RABGAP1L: variants seen among roughly 807,000 people sequenced by gnomAD.
RABGAP1L encodes rab GTPase-activating protein 1-like.
In RABGAP1L, 63 loss-of-function variants were observed where a neutral mutation model predicts 137.7. The ratio of observed to expected loss-of-function variants is 0.46; its 90% CI spans 0.37 to 0.56. The LOEUF (loss-of-function observed/expected upper bound fraction) is 0.56, where lower values mean the gene tolerates loss of function less well. Among genes scored for constraint, RABGAP1L ranks in the 20% least tolerant of loss-of-function variants. The pLI is 0.00. For synonymous variants in RABGAP1L, 431 were observed against 433.7 expected (o/e 0.99, Z 0.08); for missense variants, 1,095 against 1,244.0 (o/e 0.88, Z 1.80).
At chr1:174,221,295 G>T (rs1669737216) in intron 3 of RABGAP1L, 131 bp downstream of exon 3, 1 of 719,988 alleles carries the variant, frequency 1.4e-6, no homozygotes, top group African/African-American at 1.8e-5. Flanking sequence ...TTCCACTTCG[G>T]TGTTATGTTT....
Position 174,398,080 on chromosome 1 carries a change from C to T in RABGAP1L, c.1710+3935C>T, listed in dbSNP as rs772737123. ...AAATTTGAAGCTTCCATCATTCTCACGGATATGTTACCCTCCTGGTATTAT... is the reference window on the plus strand; with the variant it reads ...AAATTTGAAGCTTCCATCATTCTCATGGATATGTTACCCTCCTGGTATTAT... On this transcript the variant is annotated intron_variant, in intron 13 of 25. Transcript: ENST00000681986. Among the ~76,000 whole-genome samples, 11 of 152,278 alleles carry T rather than the reference C, an allele frequency of 7.2e-5. No homozygotes were observed. The South Asian group carries it at 8.3e-4, about 11-fold the overall frequency.
At chr1:174,958,446 T>C (rs1668807084) in intron 20 of RABGAP1L, among the ~76,000 whole-genome samples, 1 of 152,228 alleles carries the variant, frequency 6.6e-6, no homozygotes, top group Admixed American at 6.5e-5. Context: ...CACAGATACG[T>C]AACAGCTCCT....
chr1:174,471,969 T>C (rs1195255954), intron 13 of RABGAP1L, among the ~76,000 whole-genome samples: 1 of 152,152 alleles, frequency 6.6e-6, no homozygotes, highest in African/African-American at 2.4e-5. Context: ...ATCAGAGCTC[T>C]CTCTACAATG....
At chr1:174,283,267 G>C (rs534969936) in intron 10 of RABGAP1L, among the ~76,000 whole-genome samples, 1 of 152,022 alleles carries the variant, frequency 6.6e-6, no homozygotes, top group Admixed American at 6.5e-5. Flanking sequence ...TTACCCAAGC[G>C]TGGTGGTGTG....
At chr1:174,427,725 A>T (rs1460138712) in intron 13 of RABGAP1L, among the ~76,000 whole-genome samples, 2 of 152,180 alleles carry the variant, frequency 1.3e-5, no homozygotes, top group African/African-American at 4.8e-5. Flanking sequence ...CCTGGTGTTT[A>T]TTCTAGATAA....
chr1:174,800,354 C>G (rs1444561885), intron 18 of RABGAP1L: 1 of 1,550,346 alleles, frequency 6.5e-7, no homozygotes, highest in African/African-American at 1.4e-5. Flanking sequence ...GGTGCCCTGC[C>G]CAGCCCCAGC....
chr1:174,971,169 A>G (rs1338982764), intron 21 of RABGAP1L, among the ~76,000 whole-genome samples: 2 of 151,770 alleles, frequency 1.3e-5, no homozygotes, highest in Non-Finnish European at 2.9e-5. Flanking sequence ...AAAGACCCTA[A>G]ATTACTTAAC....
chr1:174,480,887 C>G (rs1659018965), intron 13 of RABGAP1L, among the ~76,000 whole-genome samples: 1 of 152,094 alleles, frequency 6.6e-6, no homozygotes, highest in Non-Finnish European at 1.5e-5. Context: ...TTATTAATAA[C>G]CCAAGAACTG....
chr1:174,269,194 C>T (rs746622753), intron 7 of RABGAP1L, among the ~76,000 whole-genome samples: 1 of 152,252 alleles, frequency 6.6e-6, no homozygotes, highest in African/African-American at 2.4e-5. Flanking sequence ...CCGCCCACCT[C>T]GGCCTCCCAA....
chr1:174,448,076 T>C lies in RABGAP1L; in HGVS notation c.1710+53931T>C. ...TGCTGGGCAGGGCATCTGCTTGCTG[T>C]AGCCAAGTCTGCAGGTGTCTTTAAA... On this transcript the variant is annotated intron_variant, in intron 13 of 25. Coordinates refer to ENST00000681986, the MANE Select transcript of RABGAP1L (RefSeq NM_001366446.1). The surrounding 1 kb of genome is among the most constrained non-coding windows in gnomAD (Gnocchi z 4.2). 6.4e-7 allele frequency: 1 copy of C among 1,573,770 alleles called. No homozygotes were observed. The highest frequency in any genetic ancestry group is 8.6e-7 in the Non-Finnish European group (1 of 1,157,298).
intron 13 of RABGAP1L, among the ~76,000 whole-genome samples, chr1:174,538,213 C>A (rs1665049254): frequency 6.6e-6 from 1 of 152,178 alleles, no homozygotes; most frequent in South Asian, 2.1e-4. Context: ...TGAACTATTT[C>A]CAAAGTCCAG....
intron 21 of RABGAP1L, among the ~76,000 whole-genome samples, chr1:174,973,979 G>GTTTT (rs58500594): frequency 1.6e-4 from 14 of 85,788 alleles, no homozygotes; most frequent in South Asian, 5.1e-4. Context: ...ATTGTTTTTT[G>GTTTT]TTTTTTTTTT....
intron 1 of RABGAP1L, among the ~76,000 whole-genome samples, chr1:174,197,670 G>T (rs1333779527): frequency 6.6e-6 from 1 of 151,986 alleles, no homozygotes; most frequent in Non-Finnish European, 1.5e-5. Flanking sequence ...ATTGGTTGCG[G>T]GCGCATGTAA....
At chr1:174,753,525 T>A (rs1684498880) in intron 18 of RABGAP1L, among the ~76,000 whole-genome samples, 1 of 152,212 alleles carries the variant, frequency 6.6e-6, no homozygotes, top group Admixed American at 6.5e-5. Context: ...ATACACTTTT[T>A]AAAATTAAAT....
intron 11 of RABGAP1L, among the ~76,000 whole-genome samples, chr1:174,350,749 G>A (rs1683084963): frequency 2.0e-5 from 1 of 49,338 alleles, no homozygotes; most frequent in Non-Finnish European, 3.9e-5. Flanking sequence ...CGGCTGGGAG[G>A]TGTAGGTTGT....
At chr1:174,299,331 A>G (rs1054884109) in intron 10 of RABGAP1L, among the ~76,000 whole-genome samples, 2 of 152,212 alleles carry the variant, frequency 1.3e-5, no homozygotes, top group African/African-American at 4.8e-5. Context: ...AGCAAGTGAC[A>G]TTCTTTACTG....
At position 174,937,136 on chromosome 1, in the gene RABGAP1L, G is replaced by A. The variant is rs561879498; in HGVS notation, c.2341-20321G>A. On this transcript the variant is annotated intron_variant, in intron 19 of 25. Transcript: ENST00000681986. The stretch of plus-strand genomic sequence containing the variant: ...TGTGACTACAGGCTCCTGCCACCAC[G>A]CCCGGGTAATTTTTGTATTTTTAGT... Among the ~76,000 whole-genome samples the A allele has an allele frequency of 1.3e-4, 20 of 150,754 alleles. No homozygotes were observed. The East Asian group carries it at 3.3e-3, about 25-fold the overall frequency.
At chr1:174,349,901 G>T (rs1256412066) in intron 11 of RABGAP1L, among the ~76,000 whole-genome samples, 1 of 135,852 alleles carries the variant, frequency 7.4e-6, no homozygotes, top group Non-Finnish European at 1.6e-5. Flanking sequence ...GGCTGGCCAG[G>T]TGGGGGGCTG....
intron 19 of RABGAP1L, chr1:174,875,744 T>C: frequency 1.0e-6 from 1 of 959,044 alleles, no homozygotes; most frequent in Non-Finnish European, 1.2e-6. Context: ...TTATAATGCC[T>C]TGTCTCCTGA....
Sources: allele counts gnomAD v4.1 joint callset (sites outside exome capture counted in the v4.1 genomes callset), GRCh38; gene constraint gnomAD v4.1.1; non-coding constraint Gnocchi (gnomAD v3.1); transcripts MANE v1.5; gene names NCBI Gene and HGNC (gene_info 2026-07-23, HGNC 2026-07-21).